SGCZ: variants seen among roughly 807,000 people sequenced by gnomAD.
SGCZ encodes zeta-sarcoglycan.
Under a neutral mutation model 41.3 loss-of-function variants are expected in SGCZ, and 40 were observed. The ratio of observed to expected loss-of-function variants is 0.97; its 90% CI spans 0.75 to 1.26. The LOEUF (loss-of-function observed/expected upper bound fraction) is 1.26, where lower values mean the gene tolerates loss of function less well. Among genes scored for constraint, SGCZ ranks in the 50% most tolerant of loss-of-function variants. The probability of loss-of-function intolerance (pLI) is 0.00; values close to 1 mark genes in which losing one functional copy is unlikely to be tolerated. For missense variants in SGCZ, 552 were observed against 369.8 expected, an observed-to-expected ratio of 1.49 and a Z score of -4.04; for synonymous variants, 206 against 137.5, an observed-to-expected ratio of 1.50 and a Z score of -3.49.
chr8:14,849,082 C>A (rs1803230900), intron 1 of SGCZ, among the ~76,000 whole-genome samples: 1 of 152,024 alleles, frequency 6.6e-6, no homozygotes, highest in African/African-American at 2.4e-5. Flanking sequence ...GAAAGATGTG[C>A]AACATCATTA....
At position 14,872,261 on chromosome 8, in the gene SGCZ, T is replaced by C. The variant is rs1207370689; in HGVS notation, c.40-317335A>G. Among the ~76,000 whole-genome samples, 6 of 152,122 alleles carry C rather than the reference T, an allele frequency of 3.9e-5. No individual in the cohort carries two copies. In the East Asian group the frequency reaches 1.2e-3, roughly 29 times the overall value. ...TCAGCAAACCACCATGGCACATGTA[T>C]ACCTATGTAACAAACCTGCACATTC... On this transcript the variant is annotated intron_variant, in intron 1 of 7. Transcript: ENST00000382080.
In SGCZ at chr8:15,237,578, C is replaced by G. The variant is rs1395260477; in HGVS notation, c.39+7G>C. The G allele has an allele frequency of 1.9e-6, 3 of 1,588,318 alleles. No individual in the cohort carries two copies. On this transcript the variant is annotated splice_region_variant and intron_variant, in intron 1 of 7. Coordinates refer to ENST00000382080, the MANE Select transcript of SGCZ (RefSeq NM_139167.4). Reference sequence around the variant, plus strand: ...CGGCCGCGAAGCCCGCCCGGACCCGCACGTACCTTGAGCTCCTCAATGTCC... The same window carrying G: ...CGGCCGCGAAGCCCGCCCGGACCCGGACGTACCTTGAGCTCCTCAATGTCC...
intron 1 of SGCZ, among the ~76,000 whole-genome samples, chr8:14,821,294 CAAT>C (rs1423818187): frequency 9.2e-5 from 14 of 151,764 alleles, no homozygotes; most frequent in Non-Finnish European, 1.6e-4. Flanking sequence ...CTGAACAGAA[CAAT>C]AATGAGAGAG....
At chr8:14,697,729 A>T (rs1017782358) in intron 1 of SGCZ, among the ~76,000 whole-genome samples, 1 of 152,022 alleles carries the variant, frequency 6.6e-6, no homozygotes, top group Non-Finnish European at 1.5e-5. Context: ...GAAAATCCAA[A>T]ACTCTGGATA....
Position 14,669,182 on chromosome 8 carries a change from A to G in SGCZ, c.40-114256T>C, listed in dbSNP as rs1458878871. Among the ~76,000 whole-genome samples, 3 of 118,056 alleles carry G rather than the reference A, an allele frequency of 2.5e-5. No individual in the cohort carries two copies. In the East Asian group the frequency reaches 8.8e-4, roughly 34 times the overall value. 77.4% of individuals were successfully genotyped at this position (118,056 alleles called of 152,430 possible). On this transcript the variant is annotated intron_variant, in intron 1 of 7. Transcript: ENST00000382080. ...AAACCTCGTCTCTACAAACACACAC[A>G]CACACACTACAAATATATATATATA...
Position 14,856,987 on chromosome 8 carries a change from C to T in SGCZ, c.40-302061G>A, listed in dbSNP as rs555790179. 3.3e-5 allele frequency among the ~76,000 whole-genome samples: 5 copies of T among 152,218 alleles called. No homozygotes were observed. The South Asian group carries it at 1.0e-3, about 32-fold the overall frequency. On this transcript the variant is annotated intron_variant, in intron 1 of 7. Coordinates refer to ENST00000382080, the MANE Select transcript of SGCZ (RefSeq NM_139167.4). ...AAATCTGAAGTGGAATGGTAACCCC[C>T]AGTGTTGGAGGAGGGGCCTGGAGGA...
chr8:14,720,982 T>C (rs1318416143), intron 1 of SGCZ, among the ~76,000 whole-genome samples: 1 of 152,054 alleles, frequency 6.6e-6, no homozygotes, highest in African/African-American at 2.4e-5. Flanking sequence ...AATAAGTTCT[T>C]AACTTACTGA....
rs184982293 is a variant in SGCZ, at chr8:14,415,409, G to C, written c.235-91205C>G. ...AATAAGCTTGAGCCAATGAGTTAAT[G>C]CTCCTACAAAAAGGGAATTAGTGTG... On this transcript the variant is annotated intron_variant, in intron 2 of 7. Coordinates refer to ENST00000382080, the MANE Select transcript of SGCZ (RefSeq NM_139167.4). Among the ~76,000 whole-genome samples, 770 of 151,922 alleles carry C rather than the reference G, an allele frequency of 5.1e-3. 5 individuals carry two copies. The highest frequency in any genetic ancestry group is 0.018 in the African/African-American group (750 of 41,494).
At position 14,652,915 on chromosome 8, in the gene SGCZ, G is replaced by A. The variant is rs1807450153; in HGVS notation, c.40-97989C>T. On this transcript the variant is annotated intron_variant, in intron 1 of 7. Coordinates refer to ENST00000382080, the MANE Select transcript of SGCZ (RefSeq NM_139167.4). ...GCCTAATTTCCCATTATTGTAAATT[G>A]GAAAATATCTTAATTATCATACAAA... 3.3e-5 allele frequency among the ~76,000 whole-genome samples: 5 copies of A among 151,924 alleles called. No individual in the cohort carries two copies. In the South Asian group the frequency reaches 6.2e-4, roughly 19 times the overall value.
At chr8:14,884,279 G>C (rs116654976) in intron 1 of SGCZ, among the ~76,000 whole-genome samples, 7,469 of 152,160 alleles carry the variant, frequency 0.049, 214 homozygotes, top group Non-Finnish European at 0.061. Context: ...CAAACCTGGC[G>C]TGTTTTTGAT....
intron 1 of SGCZ, among the ~76,000 whole-genome samples, chr8:14,636,806 A>G (rs930632880): frequency 7.2e-5 from 11 of 151,912 alleles, no homozygotes; most frequent in African/African-American, 2.7e-4. Context: ...TCCAGTTGAG[A>G]CCATTTAAAT....
At chr8:14,307,161 A>G (rs931720792) in intron 3 of SGCZ, among the ~76,000 whole-genome samples, 2 of 152,180 alleles carry the variant, frequency 1.3e-5, no homozygotes, top group African/African-American at 4.8e-5. Flanking sequence ...AGTAATGAAT[A>G]TCAGACACAT....
At chr8:14,896,036 G>A (rs1259634090) in intron 1 of SGCZ, among the ~76,000 whole-genome samples, 1 of 152,114 alleles carries the variant, frequency 6.6e-6, no homozygotes, top group Non-Finnish European at 1.5e-5. Context: ...TTAGATCTTT[G>A]GACCAGCCCA....
chr8:14,092,988 C>A (rs1421353894), intron 7 of SGCZ, among the ~76,000 whole-genome samples: 1 of 151,982 alleles, frequency 6.6e-6, no homozygotes, highest in Admixed American at 6.6e-5. Context: ...AAATCATGGA[C>A]TCACCACTTT....
Position 14,753,679 on chromosome 8 carries a change from GGTT to G in SGCZ, c.40-198756_40-198754del, listed in dbSNP as rs910668469. Reference sequence around the variant, plus strand: ...GTCTTAGTTAGTGTAACATCAGAATGGTTGTACAATTTTAGTGACTTTCTTCTC... The same window carrying G: ...GTCTTAGTTAGTGTAACATCAGAATGGTACAATTTTAGTGACTTTCTTCTC... On this transcript the variant is annotated intron_variant, in intron 1 of 7. Coordinates refer to ENST00000382080, the MANE Select transcript of SGCZ (RefSeq NM_139167.4). Among the ~76,000 whole-genome samples the G allele has an allele frequency of 3.9e-4, 60 of 152,256 alleles. 1 individual carries two copies. The highest frequency in any genetic ancestry group is 1.4e-3 in the African/African-American group (57 of 41,558).
chr8:14,574,560 T>A (rs917326451), intron 1 of SGCZ, among the ~76,000 whole-genome samples: 1 of 152,210 alleles, frequency 6.6e-6, no homozygotes, highest in Non-Finnish European at 1.5e-5. Flanking sequence ...TTCCCCACTC[T>A]GTTGCCATCA....
At chr8:14,284,671 A>G (rs532694685) in intron 3 of SGCZ, among the ~76,000 whole-genome samples, 21 of 152,214 alleles carry the variant, frequency 1.4e-4, no homozygotes, top group Admixed American at 3.9e-4. Context: ...TGTCCCATCT[A>G]TAGATTGATC....
intron 1 of SGCZ, among the ~76,000 whole-genome samples, chr8:15,144,533 T>G (rs1437248690): frequency 6.6e-6 from 1 of 152,068 alleles, no homozygotes; most frequent in Non-Finnish European, 1.5e-5. Flanking sequence ...GGAGCCACCT[T>G]GGCTCACTGC....
At chr8:14,680,164 T>C (rs1210971030) in intron 1 of SGCZ, among the ~76,000 whole-genome samples, 1 of 152,096 alleles carries the variant, frequency 6.6e-6, no homozygotes, top group East Asian at 1.9e-4. Context: ...ATGGAGACAC[T>C]AAAAAGTACA....
Sources: allele counts gnomAD v4.1 joint callset (sites outside exome capture counted in the v4.1 genomes callset), GRCh38; gene constraint gnomAD v4.1.1; transcripts MANE v1.5; gene names NCBI Gene and HGNC (gene_info 2026-07-23, HGNC 2026-07-21).